Variants in ELFN2 observed in about 807,000 individuals in gnomAD.
ELFN2 encodes the protein protein phosphatase 1 regulatory subunit 29.
In ELFN2, 17 loss-of-function variants were observed where a neutral mutation model predicts 45.5. The observed-to-expected ratio is 0.37, with a 90% confidence interval of 0.26 to 0.56. The LOEUF is 0.56. ELFN2 is among the 20% of genes least tolerant of loss of function. The probability of loss-of-function intolerance (pLI) is 0.77; values close to 1 mark genes in which losing one functional copy is unlikely to be tolerated. For synonymous variants in ELFN2, 550 were observed against 551.5 expected (o/e 1.00, Z 0.04); for missense variants, 922 against 1,183.2 (o/e 0.78, Z 3.24).
rs1377637087 is a variant in ELFN2, at chr22:37,381,334, C to T, written c.-462-5338G>A. Among the ~76,000 whole-genome samples, 6 of 152,160 alleles carry T rather than the reference C, an allele frequency of 3.9e-5. No individual in the cohort carries two copies. In the South Asian group the frequency reaches 8.3e-4, roughly 21 times the overall value. On this transcript the variant is annotated intron_variant, in intron 2 of 2. Coordinates refer to ENST00000402918, the MANE Select transcript of ELFN2 (RefSeq NM_052906.5). ...GTTTTCTGCCCCTGTCAGAGGAAAG[C>T]GTGCAAGGGGGAGTTGTCCACAAGC...
intron 1 of ELFN2, chr22:37,352,044 A>G (rs2145614278): frequency 6.6e-6 from 1 of 150,594 alleles, no homozygotes; most frequent in African/African-American, 2.4e-5. Flanking sequence ...CACCAGCACC[A>G]CCTGGCCTCA....
chr22:37,374,009 G>A lies in ELFN2; in HGVS notation c.1526C>T (p.Ala509Val). 1 of 1,613,096 alleles carries A rather than the reference G, an allele frequency of 6.2e-7. No individual in the cohort carries two copies. The highest frequency in any genetic ancestry group is 1.3e-5 in the African/African-American group (1 of 75,048). ...GGGCCGAGCCAGACCGTCCCCGCCG[G>A]CGCCTGTGCGCACCTCGATATAGTT... is the stretch of plus-strand genomic sequence containing the variant. ...KGNYIEVRTG[A>V]GGDGLARPED... Residue 509 changes from alanine (A) to valine (V), a missense_variant, in exon 3 of 3, where the codon GCC (alanine) becomes GTC (valine). Coordinates refer to ENST00000402918, the MANE Select transcript of ELFN2 (RefSeq NM_052906.5).
intron 2 of ELFN2, among the ~76,000 whole-genome samples, chr22:37,394,791 G>A (rs375911864): frequency 6.6e-6 from 1 of 152,122 alleles, no homozygotes; most frequent in Non-Finnish European, 1.5e-5. Context: ...ACCAACCCCC[G>A]ACCTTACAGG....
chr22:37,397,589 G>A (rs1276870068), intron 2 of ELFN2, among the ~76,000 whole-genome samples: 2 of 152,148 alleles, frequency 1.3e-5, no homozygotes, highest in Non-Finnish European at 2.9e-5. Flanking sequence ...TGGAAGCCTC[G>A]CCTAGACCCC....
chr22:37,381,563 C>T (rs1354770684), intron 2 of ELFN2, among the ~76,000 whole-genome samples: 1 of 151,964 alleles, frequency 6.6e-6, no homozygotes, highest in African/African-American at 2.4e-5. Context: ...TCTAGCCCCC[C>T]AGTCTGAGAT....
Position 37,374,956 on chromosome 22 carries a change from G to A in ELFN2, c.579C>T (p.Leu193=). 6.2e-7 allele frequency: 1 copy of A among 1,613,204 alleles called. No individual in the cohort carries two copies. The highest frequency in any genetic ancestry group is 8.5e-7 in the Non-Finnish European group (1 of 1,179,986). The part of the protein sequence containing the change: ...AGNPFNCECD[L]FGFLAWLVVF... ...CCACCAGCCAGGCCAGGAAGCCGAAGAGGTCGCACTCACAGTTGAAGGGGT... is the reference window on the plus strand; with the variant it reads ...CCACCAGCCAGGCCAGGAAGCCGAAAAGGTCGCACTCACAGTTGAAGGGGT... The change falls in exon 3 of 3, where the codon CTC becomes CTT. Residue 193 remains leucine (L), a synonymous_variant. Coordinates refer to ENST00000402918, the MANE Select transcript of ELFN2 (RefSeq NM_052906.5).
At chr22:37,379,600 G>A (rs1031550185) in intron 2 of ELFN2, among the ~76,000 whole-genome samples, 2 of 152,222 alleles carry the variant, frequency 1.3e-5, no homozygotes, top group African/African-American at 4.8e-5. Flanking sequence ...GGTGCATGCT[G>A]TTATCGGGGG....
chr22:37,378,765 C>T (rs1323011300), intron 2 of ELFN2, among the ~76,000 whole-genome samples: 7 of 152,240 alleles, frequency 4.6e-5, no homozygotes, highest in East Asian at 1.9e-4. Context: ...GTCCCCATCC[C>T]GGGCTGCCTG....
chr22:37,382,541 C>CATTTT (rs1931817657), intron 2 of ELFN2, among the ~76,000 whole-genome samples: 1 of 90,908 alleles, frequency 1.1e-5, no homozygotes, highest in Non-Finnish European at 2.1e-5. Flanking sequence ...CCACGCTGGC[C>CATTTT]TTTTTTTTTT....
intron 2 of ELFN2, among the ~76,000 whole-genome samples, chr22:37,378,127 C>G (rs1931634292): frequency 6.6e-6 from 1 of 152,230 alleles, no homozygotes; most frequent in Admixed American, 6.5e-5. Context: ...CAGGGGTGTG[C>G]TGACGTGTAC....
At position 37,382,486 on chromosome 22, in the gene ELFN2, G is replaced by A. The variant is rs184338741; in HGVS notation, c.-462-6490C>T. On this transcript the variant is annotated intron_variant, in intron 2 of 2. Transcript: ENST00000402918. ...TCTCCATCTCTTGACCTTGTGATCCGCCCGCCTCGGCCTCCCAAAGTACTG... is the reference window on the plus strand; with the variant it reads ...TCTCCATCTCTTGACCTTGTGATCCACCCGCCTCGGCCTCCCAAAGTACTG... Among the ~76,000 whole-genome samples, 745 of 147,996 alleles carry A rather than the reference G, an allele frequency of 5.0e-3. 2 individuals are homozygous for A. The highest frequency in any genetic ancestry group is 8.8e-3 in the Non-Finnish European group (595 of 67,474).
At chr22:37,406,442 G>A (rs146258490) in intron 2 of ELFN2, among the ~76,000 whole-genome samples, 78 of 152,220 alleles carry the variant, frequency 5.1e-4, no homozygotes, top group African/African-American at 1.8e-3. Flanking sequence ...CCTCCCTGGC[G>A]CTCCCCCATC....
downstream of ELFN2, among the ~76,000 whole-genome samples, chr22:37,364,122 A>G (rs5756651): frequency 0.42 from 63,720 of 152,128 alleles, 14,669 homozygotes; most frequent in African/African-American, 0.61. Context: ...TGGGAAGAAT[A>G]TGAAGAAAAC....
chr22:37,375,779 G>A lies in ELFN2; in HGVS notation c.-245C>T, dbSNP rs549821410. 4.1e-5 allele frequency: 23 copies of A among 560,934 alleles called. No individual in the cohort carries two copies. Among genetic ancestry groups the A allele is most frequent in the Middle Eastern group, 4.8e-4 (1 of 2,088 alleles). The allele number at this position is 560,934 out of a possible 1,614,324, so 34.7% of individuals were successfully genotyped here. A position where few individuals can be genotyped will look rare whatever the true frequency, so the allele number is the denominator to read the frequency against. On this transcript the variant is annotated 5_prime_UTR_variant, in exon 3 of 3. The change creates a new upstream start codon in the 5' untranslated region. Transcript: ENST00000402918. ...CCCACAGCCTGCTCCCCACCGCAGC[G>A]TTGCTCCTTGTCTCCTGCTAGGAAG...
chr22:37,392,191 C>T (rs1932101931), intron 2 of ELFN2, among the ~76,000 whole-genome samples: 1 of 152,210 alleles, frequency 6.6e-6, no homozygotes, highest in South Asian at 2.1e-4. Flanking sequence ...TCTAAAAAGG[C>T]TCACCTGTGT....
intron 2 of ELFN2, among the ~76,000 whole-genome samples, chr22:37,388,716 G>A (rs553072791): frequency 6.6e-5 from 10 of 152,304 alleles, no homozygotes; most frequent in African/African-American, 2.4e-4. Flanking sequence ...TCACTCCCTT[G>A]AGTTTGACCT....
chr22:37,373,194 G>A lies in ELFN2; in HGVS notation c.2341C>T (p.Arg781Trp), dbSNP rs1443466078. Reference protein sequence around the residue: ...ERFRPYKKHHREEVYMAAGHA... With the variant: ...ERFRPYKKHHWEEVYMAAGHA... Reference sequence around the variant, plus strand: ...CCGGCGGCCATGTACACCTCCTCCCGGTGGTGCTTCTTGTAGGGCCGGAAG... The same window carrying A: ...CCGGCGGCCATGTACACCTCCTCCCAGTGGTGCTTCTTGTAGGGCCGGAAG... Residue 781 changes from arginine (R) to tryptophan (W), a missense_variant, in exon 3 of 3, where the codon CGG (arginine) becomes TGG (tryptophan). Physicochemically the swap from Arg to Trp is moderately radical, Grantham distance 101. Coordinates refer to ENST00000402918, the MANE Select transcript of ELFN2 (RefSeq NM_052906.5). 2.5e-6 allele frequency: 4 copies of A among 1,613,784 alleles called. No homozygotes were observed. The highest frequency in any genetic ancestry group is 1.1e-5 in the South Asian group (1 of 91,078).
intron 1 of ELFN2, among the ~76,000 whole-genome samples, chr22:37,362,155 G>A (rs1036794406): frequency 6.6e-5 from 10 of 152,326 alleles, no homozygotes; most frequent in East Asian, 3.9e-4. Flanking sequence ...GGGAATGCCC[G>A]TGGGCCCTGC....
intron 2 of ELFN2, among the ~76,000 whole-genome samples, chr22:37,413,121 C>A (rs1932692477): frequency 6.6e-6 from 1 of 152,108 alleles, no homozygotes; most frequent in African/African-American, 2.4e-5. Flanking sequence ...GAAGAAAATC[C>A]CGGCACAGAA....
Sources: gnomAD v4.1 joint callset for allele counts (sites outside exome capture counted in the v4.1 genomes callset) on GRCh38, gnomAD v4.1.1 for gene constraint, MANE v1.5 for transcripts, NCBI Gene and HGNC (gene_info 2026-07-23, HGNC 2026-07-21) for gene names.